Variants in RARB observed in about 807,000 individuals in gnomAD.
RARB encodes HBV-activated protein.
Under a neutral mutation model 51.9 loss-of-function variants are expected in RARB, and 17 were observed. The ratio of observed to expected loss-of-function variants is 0.33; its 90% CI spans 0.22 to 0.49. The LOEUF (loss-of-function observed/expected upper bound fraction) is 0.49, where lower values mean the gene tolerates loss of function less well. Ranked by LOEUF, RARB falls within the 20% of genes least tolerant of loss-of-function variation. RARB has a pLI of 0.99. For missense variants in RARB, 369 were observed against 550.8 expected, an observed-to-expected ratio of 0.67 and a Z score of 3.30; for synonymous variants, 215 against 195.4, an observed-to-expected ratio of 1.10 and a Z score of -0.84.
intron 3 of RARB, among the ~76,000 whole-genome samples, chr3:25,064,117 T>C (rs545553478): frequency 2.2e-4 from 34 of 152,246 alleles, no homozygotes; most frequent in South Asian, 1.2e-3. Context: ...ATTTTGATGA[T>C]TGCTTTAGTG....
intron 3 of RARB, among the ~76,000 whole-genome samples, chr3:25,131,052 T>C (rs1699944969): frequency 6.6e-6 from 1 of 151,004 alleles, no homozygotes; most frequent in African/African-American, 2.4e-5. Context: ...TATCAATATT[T>C]ATTATTATTT....
intron 5 of RARB, among the ~76,000 whole-genome samples, chr3:25,296,282 G>A (rs2125424778): frequency 6.6e-6 from 1 of 152,188 alleles, no homozygotes; most frequent in Admixed American, 6.5e-5. Context: ...CTGCCAAAAA[G>A]GCTTTTTTTT....
At chr3:24,943,145 A>G (rs1695703776) in intron 2 of RARB, among the ~76,000 whole-genome samples, 1 of 152,164 alleles carries the variant, frequency 6.6e-6, no homozygotes. Flanking sequence ...TGTAAGGGAT[A>G]ATTTTGTTGG....
chr3:25,475,532 G>A (rs1183001576), intron 2 of RARB, among the ~76,000 whole-genome samples: 1 of 152,044 alleles, frequency 6.6e-6, no homozygotes, highest in Non-Finnish European at 1.5e-5. Context: ...ATATAAAACA[G>A]AATTTATATA....
intron 5 of RARB, among the ~76,000 whole-genome samples, chr3:25,228,401 G>A (rs746971437): frequency 1.4e-4 from 21 of 151,338 alleles, no homozygotes; most frequent in Non-Finnish European, 2.2e-4. Flanking sequence ...TTCTACTCCC[G>A]TTTCTAATGT....
intron 5 of RARB, among the ~76,000 whole-genome samples, chr3:25,291,051 T>TTGGTGCCCTACAACAGATCA (rs1559345998): frequency 6.6e-6 from 1 of 152,182 alleles, no homozygotes; most frequent in Admixed American, 6.5e-5. Context: ...ATCACTTATG[T>TTGGTGCCCTACAACAGATCA]CATACTTGGG....
In RARB at chr3:25,467,141, A is replaced by G. The variant is rs547773921; in HGVS notation, c.306+5800A>G. Reference sequence around the variant, plus strand: ...TCCCACTTTCCCATCATCCAAAATCAGAGAAATTAGAAGTATCCAGGTAAT... The same window carrying G: ...TCCCACTTTCCCATCATCCAAAATCGGAGAAATTAGAAGTATCCAGGTAAT... On this transcript the variant is annotated intron_variant, in intron 2 of 7. Coordinates refer to ENST00000330688, the MANE Select transcript of RARB (RefSeq NM_000965.5). Among the ~76,000 whole-genome samples, 4 of 152,244 alleles carry G rather than the reference A, an allele frequency of 2.6e-5. No individual in the cohort carries two copies. In the South Asian group the frequency reaches 8.3e-4, roughly 32 times the overall value.
intron 5 of RARB, among the ~76,000 whole-genome samples, chr3:25,267,749 G>A (rs1407683440): frequency 6.6e-6 from 1 of 152,162 alleles, no homozygotes; most frequent in Non-Finnish European, 1.5e-5. Context: ...TTCATTTTAT[G>A]TGACTGGAGG....
intron 2 of RARB, among the ~76,000 whole-genome samples, chr3:25,465,437 A>G (rs1158815830): frequency 1.3e-5 from 2 of 152,144 alleles, no homozygotes; most frequent in African/African-American, 2.4e-5. Flanking sequence ...AGGACTCCCA[A>G]ACAGAGCCTG....
intron 2 of RARB, among the ~76,000 whole-genome samples, chr3:24,909,365 C>T (rs1236683702): frequency 6.6e-6 from 1 of 152,088 alleles, no homozygotes; most frequent in Non-Finnish European, 1.5e-5. Context: ...AGAGCAATAT[C>T]AATAAAATAT....
At chr3:24,830,676 T>A (rs1702268262) in intron 1 of RARB, among the ~76,000 whole-genome samples, 1 of 151,268 alleles carries the variant, frequency 6.6e-6, no homozygotes, top group African/African-American at 2.4e-5. Flanking sequence ...TGTGTGTGTG[T>A]GTGTGTGTCT....
chr3:25,527,571 G>GGT (rs1376632128), intron 3 of RARB, among the ~76,000 whole-genome samples: 12 of 152,162 alleles, frequency 7.9e-5, no homozygotes, highest in African/African-American at 2.9e-4. Context: ...AGCTGACCTT[G>GGT]GTAGTGTGTT....
At chr3:25,225,375 A>G (rs1702033303) in intron 5 of RARB, among the ~76,000 whole-genome samples, 1 of 152,146 alleles carries the variant, frequency 6.6e-6, no homozygotes, top group Non-Finnish European at 1.5e-5. Flanking sequence ...AATCTCTATG[A>G]AAAGGGTAAT....
At chr3:25,089,528 G>C (rs764331161) in intron 3 of RARB, among the ~76,000 whole-genome samples, 25 of 152,018 alleles carry the variant, frequency 1.6e-4, no homozygotes, top group African/African-American at 6.0e-4. Context: ...GTTGAAATAC[G>C]GTTTGATATC....
chr3:25,150,432 G>T (rs1385851302), intron 4 of RARB, among the ~76,000 whole-genome samples: 1 of 152,148 alleles, frequency 6.6e-6, no homozygotes, highest in Non-Finnish European at 1.5e-5. Context: ...AGTGAAAAAG[G>T]CCAGTTGTTT....
chr3:25,485,827 T>A (rs943427061), intron 2 of RARB, among the ~76,000 whole-genome samples: 1 of 152,206 alleles, frequency 6.6e-6, no homozygotes, highest in Non-Finnish European at 1.5e-5. Context: ...CTGCTGCTCC[T>A]CTCACACGTT....
chr3:24,912,975 CTTTTT>C (rs386396163), intron 2 of RARB, among the ~76,000 whole-genome samples: 28 of 75,050 alleles, frequency 3.7e-4, no homozygotes, highest in Middle Eastern at 0.014. Flanking sequence ...GGTACTGATT[CTTTTT>C]TTTTTTTTTT....
intron 5 of RARB, among the ~76,000 whole-genome samples, chr3:25,335,753 G>T (rs1395234226): frequency 6.6e-6 from 1 of 152,168 alleles, no homozygotes; most frequent in Admixed American, 6.5e-5. Context: ...CTCTGTTTCT[G>T]CCTCTGACAA....
intron 2 of RARB, among the ~76,000 whole-genome samples, chr3:24,861,609 A>C (rs912878086): frequency 6.6e-6 from 1 of 151,866 alleles, no homozygotes; most frequent in Non-Finnish European, 1.5e-5. Flanking sequence ...AAAAAAAAAA[A>C]AAAAAACCTT....
Sources: gnomAD v4.1 joint callset for allele counts (sites outside exome capture counted in the v4.1 genomes callset) on GRCh38, gnomAD v4.1.1 for gene constraint, MANE v1.5 for transcripts, NCBI Gene and HGNC (gene_info 2026-07-23, HGNC 2026-07-21) for gene names.